KLHL32: variants seen among roughly 807,000 people sequenced by gnomAD.
KLHL32 encodes kelch like family member 32.
In KLHL32, 35 loss-of-function variants were observed where a neutral mutation model predicts 64.8. The observed-to-expected ratio is 0.54, with a 90% CI of 0.41 to 0.72. The LOEUF is 0.72. Ranked by LOEUF, KLHL32 falls within the 30% of genes least tolerant of loss-of-function variation. The pLI, the probability that KLHL32 is intolerant of heterozygous loss-of-function variation, is 0.00. For synonymous variants in KLHL32, 259 were observed against 281.0 expected, an observed-to-expected ratio of 0.92 and a Z score of 0.78; for missense variants, 589 against 768.5, an observed-to-expected ratio of 0.77 and a Z score of 2.76.
chr6:97,047,482 G>T (rs1253125306), intron 4 of KLHL32, among the ~76,000 whole-genome samples: 1 of 152,186 alleles, frequency 6.6e-6, no homozygotes, highest in African/African-American at 2.4e-5. Flanking sequence ...GACATAAACT[G>T]ACTCTGGGCA....
intron 3 of KLHL32, among the ~76,000 whole-genome samples, chr6:96,998,243 G>A (rs1471984253): frequency 6.6e-6 from 1 of 152,172 alleles, no homozygotes; most frequent in Admixed American, 6.5e-5. Flanking sequence ...GTCAGTTTCA[G>A]TCTTTCATTC....
intron 4 of KLHL32, among the ~76,000 whole-genome samples, chr6:97,043,384 C>G (rs1356656153): frequency 1.3e-5 from 2 of 152,164 alleles, no homozygotes; most frequent in African/African-American, 4.8e-5. Context: ...CATGTCATTG[C>G]AAATGACAGG....
intron 1 of KLHL32, among the ~76,000 whole-genome samples, chr6:96,950,932 T>G (rs1772497541): frequency 6.6e-6 from 1 of 152,130 alleles, no homozygotes; most frequent in African/African-American, 2.4e-5. Flanking sequence ...GGTAGACATG[T>G]GCATATAGCT....
intron 3 of KLHL32, among the ~76,000 whole-genome samples, chr6:97,031,502 AT>A (rs927037153): frequency 2.3e-4 from 35 of 151,110 alleles, no homozygotes; most frequent in Non-Finnish European, 4.1e-4. Flanking sequence ...TGCTCAGCTA[AT>A]TTTTTTTTAT....
At chr6:97,137,048 A>G (rs1022474061) in intron 10 of KLHL32, among the ~76,000 whole-genome samples, 2 of 152,206 alleles carry the variant, frequency 1.3e-5, no homozygotes. Flanking sequence ...ATTGAAGACA[A>G]TACTTAACCT....
chr6:96,901,380 G>A, the KLHL32 span, among the ~76,000 whole-genome samples: 2 of 149,920 alleles, frequency 1.3e-5, no homozygotes, highest in Non-Finnish European at 3.0e-5. Flanking sequence ...GAGACTTCCC[G>A]CATTTCTTGG....
intron 5 of KLHL32, among the ~76,000 whole-genome samples, chr6:97,078,389 G>A (rs1562312380): frequency 6.6e-6 from 1 of 152,172 alleles, no homozygotes; most frequent in Non-Finnish European, 1.5e-5. Flanking sequence ...CATTTCGAAG[G>A]AGAGTTGTCT....
At chr6:97,051,188 G>C (rs1786842143) in intron 4 of KLHL32, among the ~76,000 whole-genome samples, 1 of 152,164 alleles carries the variant, frequency 6.6e-6, no homozygotes, top group South Asian at 2.1e-4. Flanking sequence ...AGATAATATA[G>C]ATGACAAGGA....
the KLHL32 span, among the ~76,000 whole-genome samples, chr6:96,903,205 T>A: frequency 6.6e-6 from 1 of 151,896 alleles, no homozygotes; most frequent in Non-Finnish European, 1.5e-5. Flanking sequence ...CATTAAGAAT[T>A]TTTTGGAAAG....
chr6:96,990,559 C>G lies in KLHL32; in HGVS notation c.204+14382C>G, dbSNP rs1259884213. On this transcript the variant is annotated intron_variant, in intron 3 of 10. Coordinates refer to ENST00000369261, the MANE Select transcript of KLHL32 (RefSeq NM_052904.4). ...CTTGGATTGGCACTCCCAGGGTGCA[C>G]ACTGCAGCTCTGGGGTGAGCTCAGG... Among the ~76,000 whole-genome samples, 7 of 152,302 alleles carry G rather than the reference C, an allele frequency of 4.6e-5. No individual in the cohort carries two copies. The East Asian group carries it at 7.7e-4, about 17-fold the overall frequency.
At chr6:97,110,439 T>TA (rs1449717167) in intron 6 of KLHL32, among the ~76,000 whole-genome samples, 1 of 152,184 alleles carries the variant, frequency 6.6e-6, no homozygotes, top group East Asian at 1.9e-4. Context: ...TTCAGAAAAC[T>TA]AAAAAGACAA....
chr6:97,052,261 C>A (rs760533102), intron 4 of KLHL32, among the ~76,000 whole-genome samples: 4 of 152,192 alleles, frequency 2.6e-5, no homozygotes, highest in Non-Finnish European at 5.9e-5. Flanking sequence ...GATGCACATG[C>A]AGATGCAGAC....
intron 3 of KLHL32, among the ~76,000 whole-genome samples, chr6:96,996,479 A>C (rs1778432078): frequency 6.6e-6 from 1 of 152,192 alleles, no homozygotes; most frequent in Non-Finnish European, 1.5e-5. Flanking sequence ...AAATGAGTAT[A>C]ATATGTAATT....
chr6:97,061,504 C>T (rs1313557502), intron 4 of KLHL32, among the ~76,000 whole-genome samples: 1 of 152,188 alleles, frequency 6.6e-6, no homozygotes, highest in African/African-American at 2.4e-5. Flanking sequence ...TGTCAGGCCA[C>T]TCACATTAGC....
rs563039670 is a variant in KLHL32 at position 96,969,136 on chromosome 6, G to A, written c.23+2053G>A. Among the ~76,000 whole-genome samples the A allele has an allele frequency of 5.9e-5, 9 of 152,212 alleles. No homozygotes were observed. In the South Asian group the frequency reaches 1.9e-3, roughly 32 times the overall value. On this transcript the variant is annotated intron_variant, in intron 2 of 10. Coordinates refer to ENST00000369261, the MANE Select transcript of KLHL32 (RefSeq NM_052904.4). ...CCCCCAGGGCCCTCATGTCAGCCTG[G>A]AGGATATGTCTGCTTCATGGTCCTT...
chr6:96,975,542 A>C (rs928983471), intron 2 of KLHL32, among the ~76,000 whole-genome samples: 4 of 152,148 alleles, frequency 2.6e-5, no homozygotes, highest in African/African-American at 9.7e-5. Context: ...GAGACATGGT[A>C]AGGTACAAAG....
chr6:96,996,120 G>A (rs1270206772), intron 3 of KLHL32, among the ~76,000 whole-genome samples: 2 of 152,174 alleles, frequency 1.3e-5, no homozygotes, highest in South Asian at 2.1e-4. Context: ...CCTGGGCTGC[G>A]GGCCACTCTG....
At chr6:97,125,735 C>T (rs988975939) in intron 7 of KLHL32, among the ~76,000 whole-genome samples, 1 of 152,060 alleles carries the variant, frequency 6.6e-6, no homozygotes, top group Non-Finnish European at 1.5e-5. Flanking sequence ...GAGGTTGCAC[C>T]ATTGCACTCC....
chr6:97,039,242 A>T (rs1010441147), intron 3 of KLHL32, among the ~76,000 whole-genome samples: 2 of 152,176 alleles, frequency 1.3e-5, no homozygotes, highest in African/African-American at 4.8e-5. Flanking sequence ...AGCAATGTGG[A>T]TGGAATTAGA....
Sources: allele counts gnomAD v4.1 joint callset (sites outside exome capture counted in the v4.1 genomes callset), GRCh38; gene constraint gnomAD v4.1.1; transcripts MANE v1.5; gene names NCBI Gene and HGNC (gene_info 2026-07-23, HGNC 2026-07-21).